Variants in DFFA observed in about 807,000 individuals in gnomAD.
The protein encoded by DFFA is DNA fragmentation factor subunit alpha.
In DFFA, 14 loss-of-function variants were observed where a neutral mutation model predicts 28.0. The observed-to-expected ratio is 0.50, with a 90% CI of 0.33 to 0.78. The LOEUF (loss-of-function observed/expected upper bound fraction) is 0.78, where lower values mean the gene tolerates loss of function less well. Ranked by LOEUF, DFFA falls within the 30% of genes least tolerant of loss-of-function variation. The pLI is 0.02. For synonymous variants in DFFA, 158 were observed against 170.3 expected (o/e 0.93, Z 0.56); for missense variants, 395 against 407.1 (o/e 0.97, Z 0.26).
At chr1:10,470,233 G>A (rs1416165710) in intron 1 of DFFA, among the ~76,000 whole-genome samples, 1 of 152,074 alleles carries the variant, frequency 6.6e-6, no homozygotes, top group Non-Finnish European at 1.5e-5. Flanking sequence ...ACTTGTCTAA[G>A]ATCACACAGT....
rs1422693791 is a variant in DFFA at position 10,467,309 on chromosome 1, G to A, written c.322C>T (p.Gln108Ter). ...GTTTCATCTACATCAAAGGACTCTTGGGAAATCCAAGCTGTACCTCCATCT... is the reference window on the plus strand; with the variant it reads ...GTTTCATCTACATCAAAGGACTCTTAGGAAATCCAAGCTGTACCTCCATCT... ...NSDGGTAWIS[Q>*]ESFDVDETDS... The change falls in exon 3 of 6, where the codon CAA (glutamine) becomes TAA (stop). Residue 108 changes from glutamine (Q) to a stop codon, truncating the protein, a stop_gained. Transcript: ENST00000377038. LOFTEE classifies it high-confidence loss of function. 1.2e-6 allele frequency: 2 copies of A among 1,614,036 alleles called. No individual in the cohort carries two copies. The highest frequency in any genetic ancestry group is 1.7e-5 in the Admixed American group (1 of 60,006).
chr1:10,470,834 C>T (rs1459185454), intron 1 of DFFA, among the ~76,000 whole-genome samples: 2 of 150,042 alleles, frequency 1.3e-5, no homozygotes, highest in Non-Finnish European at 3.0e-5. Context: ...GAGGCCGAGG[C>T]GGGTGGATCA....
intron 1 of DFFA, among the ~76,000 whole-genome samples, chr1:10,471,380 CTG>C (rs1641096447): frequency 6.6e-6 from 1 of 152,190 alleles, no homozygotes; most frequent in African/African-American, 2.4e-5. Context: ...ACACCAGCCT[CTG>C]TGCCACGCAC....
At chr1:10,467,427 T>C in intron 2 of DFFA, 95 bp from the exon 3 acceptor site, 7 of 1,349,526 alleles carry the variant, frequency 5.2e-6, no homozygotes, top group South Asian at 2.4e-5. Flanking sequence ...GGATCTAGAT[T>C]AATTTCAATG....
chr1:10,472,204 A>C lies in DFFA; in HGVS notation c.136+119T>G. 7.7e-7 allele frequency: 1 copy of C among 1,294,474 alleles called. No homozygotes were observed. Among genetic ancestry groups the C allele is most frequent in the Non-Finnish European group, 1.0e-6 (1 of 963,078 alleles). The allele number at this position is 1,294,474 out of a possible 1,614,324, so 80.2% of individuals were successfully genotyped here. ...GCCCACTCGGACCGTTTCTGTCCCA[A>C]GCCTCCACCCGAGATACAAGAATCC... On this transcript the variant is annotated intron_variant, in intron 1 of 5. Transcript: ENST00000377038. This position sits in a 1 kb window ranked among gnomAD's most constrained non-coding sequence, Gnocchi z 5.0.
rs1640942653 is a variant in DFFA at position 10,461,694 on chromosome 1, G to A, written c.792C>T (p.Thr264=). Residue 264 remains threonine (T), a synonymous_variant, in exon 6 of 6, where the codon ACC becomes ACT. Coordinates refer to ENST00000377038, the MANE Select transcript of DFFA (RefSeq NM_004401.3). ...CAGCCAGTGCTTTGGGGTCTTCCTT[G>A]GTAACCAACTGCAGCAAGAATAAAA... ...SLSSQDLELV[T]KEDPKALAVA... 1 of 1,614,098 alleles carries A rather than the reference G, an allele frequency of 6.2e-7. No individual in the cohort carries two copies. The highest frequency in any genetic ancestry group is 8.5e-7 in the Non-Finnish European group (1 of 1,179,990).
chr1:10,463,102 C>T lies in DFFA; in HGVS notation c.739G>A (p.Glu247Lys). 1 of 1,614,156 alleles carries T rather than the reference C, an allele frequency of 6.2e-7. No homozygotes were observed. Among genetic ancestry groups the T allele is most frequent in the Non-Finnish European group, 8.5e-7 (1 of 1,180,032 alleles). The change falls in exon 5 of 6, where the codon GAG (glutamate) becomes AAG (lysine). Residue 247 changes from glutamate (E) to lysine (K), a missense_variant. Coordinates refer to ENST00000377038, the MANE Select transcript of DFFA (RefSeq NM_004401.3). Reference sequence around the variant, plus strand: ...AAGCTCAGCTCTGGAGCCTGCTTCTCCCTCAGTGCAGTAAGGATGTGGCTC... The same window carrying T: ...AAGCTCAGCTCTGGAGCCTGCTTCTTCCTCAGTGCAGTAAGGATGTGGCTC... ...LASHILTALR[E>K]KQAPELSLSS...
rs757159787 is a variant in DFFA, at chr1:10,467,272, G to A, written c.359C>T (p.Ala120Val). 2 of 1,613,986 alleles carry A rather than the reference G, an allele frequency of 1.2e-6. No homozygotes were observed. Among genetic ancestry groups the A allele is most frequent in the Admixed American group, 1.7e-5 (1 of 59,980 alleles). Residue 120 changes from alanine (A) to valine (V), a missense_variant, in exon 3 of 6, where the codon GCA becomes GTA. Coordinates refer to ENST00000377038, the MANE Select transcript of DFFA (RefSeq NM_004401.3). Reference protein sequence around the residue: ...SFDVDETDSGAGLKWKNVARQ... With the variant: ...SFDVDETDSGVGLKWKNVARQ... ...GGCCACATTCTTCCACTTCAACCCT[G>A]CCCCGCTGTCTGTTTCATCTACATC...
rs576147167 is a variant in DFFA at position 10,458,289 on chromosome 1, T to C, written c.*3201A>G. ...GAAACAGTACATCTGGGGCATTATA[T>C]TAATGCTTCTGTATGAGTGTAGGTA... On this transcript the variant is annotated 3_prime_UTR_variant, in exon 6 of 6. Coordinates refer to ENST00000377038, the MANE Select transcript of DFFA (RefSeq NM_004401.3). 1.3e-5 allele frequency: 2 copies of C among 152,322 alleles called. No homozygotes were observed. The highest frequency in any genetic ancestry group is 2.1e-4 in the South Asian group (1 of 4,832). The allele number at this position is 152,322 out of a possible 1,614,324, so 9.4% of individuals were successfully genotyped here.
Position 10,472,419 on chromosome 1 carries a change from C to T in DFFA, c.40G>A (p.Glu14Lys). The change falls in exon 1 of 6, where the codon GAG (glutamate) becomes AAG (lysine). Residue 14 changes from glutamate (E) to lysine (K), a missense_variant. Physicochemically the swap from Glu to Lys is moderately conservative, Grantham distance 56. Transcript: ENST00000377038. This position sits in a 1 kb window ranked among gnomAD's most constrained non-coding sequence, Gnocchi z 5.0. ...TGDAGVPESGEIRTLKPCLLR... is the reference protein window; with the variant it reads ...TGDAGVPESGKIRTLKPCLLR... The stretch of plus-strand genomic sequence containing the variant: ...AGACACGGCTTTAGAGTCCGGATCT[C>T]GCCAGATTCTGGTACCCCGGCGTCC... The T allele has an allele frequency of 6.2e-7, 1 of 1,612,118 alleles. No individual in the cohort carries two copies. Among genetic ancestry groups the T allele is most frequent in the African/African-American group, 1.3e-5 (1 of 74,966 alleles).
At chr1:10,471,719 C>G (rs565191210) in intron 1 of DFFA, among the ~76,000 whole-genome samples, 5 of 152,242 alleles carry the variant, frequency 3.3e-5, no homozygotes, top group African/African-American at 1.2e-4. Context: ...AACCAACAAC[C>G]CTTTGAAGCA....
chr1:10,464,783 C>T (rs1266161014), intron 3 of DFFA, among the ~76,000 whole-genome samples: 1 of 152,136 alleles, frequency 6.6e-6, no homozygotes, highest in Non-Finnish European at 1.5e-5. Context: ...CTCCGTGTTC[C>T]AGTCTAGAGT....
rs142389578 is a variant in DFFA, at chr1:10,457,977, T to A, written c.*3513A>T. 1.3e-5 allele frequency: 2 copies of A among 152,292 alleles called. No individual in the cohort carries two copies. Among genetic ancestry groups the A allele is most frequent in the African/African-American group, 4.8e-5 (2 of 41,560 alleles). 9.4% of individuals were successfully genotyped at this position (152,292 alleles called of 1,614,324 possible). On this transcript the variant is annotated 3_prime_UTR_variant, in exon 6 of 6. Coordinates refer to ENST00000377038, the MANE Select transcript of DFFA (RefSeq NM_004401.3). ...TTCTGGGAAGCTGATGTGGGAGGATTGCTTGAGGCCTGGAGTTTGAGACCA... is the reference window on the plus strand; with the variant it reads ...TTCTGGGAAGCTGATGTGGGAGGATAGCTTGAGGCCTGGAGTTTGAGACCA...
At chr1:10,471,743 T>TA (rs1641101166) in intron 1 of DFFA, among the ~76,000 whole-genome samples, 1 of 152,184 alleles carries the variant, frequency 6.6e-6, no homozygotes, top group Non-Finnish European at 1.5e-5. Flanking sequence ...CTATAAATAT[T>TA]ATACCCAATT....
chr1:10,471,110 T>A (rs1488267551), intron 1 of DFFA, among the ~76,000 whole-genome samples: 1 of 151,670 alleles, frequency 6.6e-6, no homozygotes, highest in African/African-American at 2.4e-5. Context: ...TTACAGTATC[T>A]TCCTTAGCAG....
In DFFA at chr1:10,472,437, C is replaced by T; in HGVS notation, c.22G>A (p.Gly8Arg). 1.2e-6 allele frequency: 2 copies of T among 1,611,138 alleles called. No individual in the cohort carries two copies. Among genetic ancestry groups the T allele is most frequent in the Non-Finnish European group, 1.7e-6 (2 of 1,178,390 alleles). Residue 8 changes from glycine to arginine, a missense_variant, in exon 1 of 6, where the codon GGG becomes AGG. Transcript: ENST00000377038. This position sits in a 1 kb window ranked among gnomAD's most constrained non-coding sequence, Gnocchi z 5.0. ...CGGATCTCGCCAGATTCTGGTACCC[C>T]GGCGTCCCCGGTCACCTCCATCCTC... is the stretch of plus-strand genomic sequence containing the variant. MEVTGDA[G>R]VPESGEIRTL...
chr1:10,463,236 C>T, intron 4 of DFFA, 27 bp from the exon 5 acceptor site: 1 of 1,608,950 alleles, frequency 6.2e-7, no homozygotes, highest in Middle Eastern at 1.7e-4. Context: ...AGACAGAGAT[C>T]AGACGTGGTG....
intron 5 of DFFA, among the ~76,000 whole-genome samples, chr1:10,462,144 C>T (rs534425353): frequency 1.4e-4 from 21 of 152,246 alleles, no homozygotes; most frequent in Admixed American, 1.3e-3. Flanking sequence ...AGGCGTGAGC[C>T]ACCGCGCCCA....
intron 5 of DFFA, among the ~76,000 whole-genome samples, chr1:10,462,101 G>A (rs192248643): frequency 0.052 from 7,956 of 151,996 alleles, 276 homozygotes; most frequent in South Asian, 0.077. Context: ...CTTGTGATCC[G>A]CCCACCTTGG....
Sources: allele counts gnomAD v4.1 joint callset (sites outside exome capture counted in the v4.1 genomes callset), GRCh38; gene constraint gnomAD v4.1.1; non-coding constraint Gnocchi (gnomAD v3.1); transcripts MANE v1.5; gene names NCBI Gene and HGNC (gene_info 2026-07-23, HGNC 2026-07-21).